FHIT: variants seen among roughly 807,000 people sequenced by gnomAD.
The protein encoded by FHIT is fragile histidine triad diadenosine triphosphatase, also known as bis(5'-adenosyl)-triphosphatase.
A neutral mutation model predicts 17.9 loss-of-function variants in FHIT; 19 were observed. The observed-to-expected ratio is 1.06, with a 90% CI of 0.74 to 1.56. The LOEUF is 1.56. Ranked by LOEUF, FHIT falls within the 40% of genes most tolerant of loss-of-function variation. FHIT has a pLI of 0.00. For missense variants in FHIT, 248 were observed against 189.2 expected (o/e 1.31, Z -1.82); for synonymous variants, 81 against 69.7 (o/e 1.16, Z -0.81).
At chr3:60,383,294 A>G (rs983304016) in intron 5 of FHIT, among the ~76,000 whole-genome samples, 1 of 152,188 alleles carries the variant, frequency 6.6e-6, no homozygotes, top group Non-Finnish European at 1.5e-5. Context: ...TTTGCCACTT[A>G]TGATTACGAT....
chr3:59,977,657 A>T (rs1489541207), intron 7 of FHIT, among the ~76,000 whole-genome samples: 2 of 152,180 alleles, frequency 1.3e-5, no homozygotes, highest in African/African-American at 4.8e-5. Context: ...AACAATTAAA[A>T]GCGGAATTTG....
intron 4 of FHIT, among the ~76,000 whole-genome samples, chr3:60,753,641 GC>G (rs1343078653): frequency 6.6e-6 from 1 of 152,162 alleles, no homozygotes; most frequent in Non-Finnish European, 1.5e-5. Flanking sequence ...CCAAGTCAGT[GC>G]TTTAAGTTTT....
chr3:59,876,206 T>C (rs1325424100), intron 8 of FHIT, among the ~76,000 whole-genome samples: 2 of 152,036 alleles, frequency 1.3e-5, no homozygotes, highest in Non-Finnish European at 2.9e-5. Context: ...TATATATATG[T>C]ATATATGCAG....
At chr3:60,155,934 G>C (rs2107346960) in intron 5 of FHIT, among the ~76,000 whole-genome samples, 1 of 152,230 alleles carries the variant, frequency 6.6e-6, no homozygotes, top group East Asian at 1.9e-4. Flanking sequence ...GCGTGCAAAA[G>C]CCACACACTT....
At chr3:60,804,017 C>T (rs1391456559) in intron 4 of FHIT, among the ~76,000 whole-genome samples, 1 of 152,202 alleles carries the variant, frequency 6.6e-6, no homozygotes, top group Non-Finnish European at 1.5e-5. Flanking sequence ...TTGCCACCCT[C>T]GGATGACACG....
chr3:60,044,539 G>A (rs916487769), intron 5 of FHIT, among the ~76,000 whole-genome samples: 1 of 152,074 alleles, frequency 6.6e-6, no homozygotes, highest in African/African-American at 2.4e-5. Context: ...AGTGATGACG[G>A]TACAGGAAGA....
intron 8 of FHIT, among the ~76,000 whole-genome samples, chr3:59,762,739 G>T (rs1701586238): frequency 6.6e-6 from 1 of 152,192 alleles, no homozygotes; most frequent in South Asian, 2.1e-4. Context: ...CTCTTCTGAG[G>T]GGAAAATTGC....
intron 5 of FHIT, among the ~76,000 whole-genome samples, chr3:60,296,511 T>C (rs1465482840): frequency 6.6e-6 from 1 of 152,144 alleles, no homozygotes; most frequent in East Asian, 1.9e-4. Context: ...GTCTTTTTTG[T>C]TGTTGTTGAG....
chr3:60,119,546 TGCA>T (rs1705151013), intron 5 of FHIT, among the ~76,000 whole-genome samples: 1 of 152,150 alleles, frequency 6.6e-6, no homozygotes, highest in South Asian at 2.1e-4. Context: ...GGAGGGGTAT[TGCA>T]TATTTATTGT....
At chr3:60,261,872 C>T (rs1424495228) in intron 5 of FHIT, among the ~76,000 whole-genome samples, 1 of 152,002 alleles carries the variant, frequency 6.6e-6, no homozygotes, top group Non-Finnish European at 1.5e-5. Context: ...AGAAAAGGAA[C>T]ATCTCTGTCT....
intron 4 of FHIT, among the ~76,000 whole-genome samples, chr3:60,690,026 G>A (rs781973930): frequency 6.6e-6 from 1 of 152,130 alleles, no homozygotes; most frequent in Non-Finnish European, 1.5e-5. Context: ...TTGTTATTTA[G>A]TTTTTATTTC....
intron 3 of FHIT, among the ~76,000 whole-genome samples, chr3:61,030,498 G>C (rs2032958740): frequency 6.6e-6 from 1 of 152,192 alleles, no homozygotes. Flanking sequence ...TTCTCAATTA[G>C]CACATGTGGC....
chr3:61,021,713 A>G (rs1024748415), intron 3 of FHIT, among the ~76,000 whole-genome samples: 1 of 152,102 alleles, frequency 6.6e-6, no homozygotes, highest in Non-Finnish European at 1.5e-5. Context: ...GCACAACTAC[A>G]TGGAAACTGA....
intron 3 of FHIT, among the ~76,000 whole-genome samples, chr3:60,941,414 T>TAAAC (rs10664594): frequency 0.98 from 148,449 of 152,186 alleles, 72,507 homozygotes; most frequent in East Asian, 1. Flanking sequence ...GTCCAACACT[T>TAAAC]AAAGAAATTA....
At chr3:60,937,241 T>C (rs1163977600) in intron 3 of FHIT, among the ~76,000 whole-genome samples, 2 of 152,214 alleles carry the variant, frequency 1.3e-5, no homozygotes, top group Non-Finnish European at 2.9e-5. Flanking sequence ...AGGAAGCTAA[T>C]GTAAGAGTTC....
At chr3:60,182,185 C>T (rs987808658) in intron 5 of FHIT, among the ~76,000 whole-genome samples, 7 of 152,138 alleles carry the variant, frequency 4.6e-5, no homozygotes, top group Non-Finnish European at 7.3e-5. Context: ...TTGCTTTCCT[C>T]CCCACCTGGT....
At chr3:61,098,566 A>G (rs2035716166) in intron 2 of FHIT, among the ~76,000 whole-genome samples, 1 of 152,174 alleles carries the variant, frequency 6.6e-6, no homozygotes, top group East Asian at 1.9e-4. Context: ...CATGATATTT[A>G]TTCTTCCTAT....
At chr3:61,087,708 T>C (rs931328718) in intron 2 of FHIT, among the ~76,000 whole-genome samples, 4 of 152,026 alleles carry the variant, frequency 2.6e-5, no homozygotes, top group Non-Finnish European at 2.9e-5. Flanking sequence ...CACACACACA[T>C]ACGCACAAAA....
chr3:60,704,881 A>G (rs1368132922), intron 4 of FHIT, among the ~76,000 whole-genome samples: 1 of 152,116 alleles, frequency 6.6e-6, no homozygotes, highest in African/African-American at 2.4e-5. Context: ...TGAGAGGCTG[A>G]TAAGTCTGCT....
Sources: gnomAD v4.1 joint callset for allele counts (sites outside exome capture counted in the v4.1 genomes callset) on GRCh38, gnomAD v4.1.1 for gene constraint, MANE v1.5 for transcripts, NCBI Gene and HGNC (gene_info 2026-07-23, HGNC 2026-07-21) for gene names.